The following SYN3 variants were observed in gnomAD, a reference collection of about 807,000 sequenced individuals.
SYN3 encodes synapsin III.
In SYN3, 35 loss-of-function variants were observed where a neutral mutation model predicts 65.8. The observed-to-expected ratio is 0.53, with a 90% CI of 0.41 to 0.70. SYN3 has a LOEUF of 0.70. Ranked by LOEUF, SYN3 falls within the 30% of genes least tolerant of loss-of-function variation. SYN3 has a pLI of 0.00. For synonymous variants in SYN3, 270 were observed against 292.9 expected (o/e 0.92, Z 0.80); for missense variants, 680 against 749.0 (o/e 0.91, Z 1.08).
intron 6 of SYN3, among the ~76,000 whole-genome samples, chr22:32,725,235 T>C (rs1337472795): frequency 6.6e-6 from 1 of 152,110 alleles, no homozygotes; most frequent in African/African-American, 2.4e-5. Context: ...TTTTTTTTGC[T>C]ACTTTGGAGG....
chr22:33,041,463 AT>A (rs373366907), intron 1 of SYN3, among the ~76,000 whole-genome samples: 4 of 148,954 alleles, frequency 2.7e-5, no homozygotes, highest in African/African-American at 9.9e-5. Context: ...CCCAGCTAAT[AT>A]TTTTTTGGAT....
At position 32,859,168 on chromosome 22, in the gene SYN3, A is replaced by G. The variant is rs569856603; in HGVS notation, c.711+5747T>C. On this transcript the variant is annotated intron_variant, in intron 6 of 13. Transcript: ENST00000358763. ...CAGAGTCCATCAACTGCTGCCTGTT[A>G]TCTAATTGCAGATCAAGTCCTGCTA... 25 of 1,614,120 alleles carry G rather than the reference A, an allele frequency of 1.5e-5. No homozygotes were observed. In the Admixed American group the frequency reaches 2.0e-4, roughly 13 times the overall value.
intron 4 of SYN3, among the ~76,000 whole-genome samples, chr22:32,911,755 G>A (rs545050326): frequency 4.6e-5 from 7 of 152,214 alleles, no homozygotes; most frequent in South Asian, 2.1e-4. Flanking sequence ...CTGCTGCACC[G>A]TATTAAAAAG....
rs200802342 is a variant in SYN3 at position 32,834,325 on chromosome 22, T to TTA, written c.711+30589_711+30590insTA. Among the ~76,000 whole-genome samples, 202 of 143,280 alleles carry TTA rather than the reference T, an allele frequency of 1.4e-3. 1 individual carries two copies. The highest frequency in any genetic ancestry group is 7.0e-3 in the Middle Eastern group (2 of 284). 94.0% of individuals were successfully genotyped at this position (143,280 alleles called of 152,430 possible). On this transcript the variant is annotated intron_variant, in intron 6 of 13. Transcript: ENST00000358763. ...CCTCCACCACATCTGGCTAATTTAT[T>TTA]TTTTTTTTTGTATTTTTAGTAGAAA...
chr22:32,928,640 G>A (rs1034285647), intron 4 of SYN3, among the ~76,000 whole-genome samples: 9 of 151,994 alleles, frequency 5.9e-5, no homozygotes, highest in African/African-American at 1.9e-4. Flanking sequence ...TCACTATTGA[G>A]TCTTGGTGTG....
chr22:32,533,996 CA>C, intron 9 of SYN3, 101 bp from the exon 10 acceptor site: 1 of 700,960 alleles, frequency 1.4e-6, no homozygotes, highest in Non-Finnish European at 2.5e-6. Flanking sequence ...CAGGGAGGGA[CA>C]GTGACTCACA....
chr22:32,811,785 T>A (rs1162366795), intron 6 of SYN3, among the ~76,000 whole-genome samples: 14 of 152,304 alleles, frequency 9.2e-5, no homozygotes, highest in African/African-American at 3.4e-4. Flanking sequence ...TGGAATGGGA[T>A]TGGAACCCAT....
At chr22:32,522,995 C>T (rs960021153) in intron 12 of SYN3, among the ~76,000 whole-genome samples, 4 of 152,208 alleles carry the variant, frequency 2.6e-5, no homozygotes, top group Middle Eastern at 3.4e-3. Flanking sequence ...TGTGTTTTTT[C>T]TAAATTGGAG....
chr22:32,559,537 A>T (rs976722754), intron 7 of SYN3, among the ~76,000 whole-genome samples: 4 of 152,180 alleles, frequency 2.6e-5, no homozygotes, highest in African/African-American at 4.8e-5. Flanking sequence ...TAATGGATAG[A>T]AAAAACCTTG....
chr22:32,978,381 T>C (rs955244268), intron 3 of SYN3, among the ~76,000 whole-genome samples: 1 of 152,078 alleles, frequency 6.6e-6, no homozygotes, highest in African/African-American at 2.4e-5. Flanking sequence ...CACTCTTCAT[T>C]GAGAGAGAGA....
intron 7 of SYN3, among the ~76,000 whole-genome samples, chr22:32,587,375 C>T (rs535128122): frequency 3.0e-4 from 45 of 151,898 alleles, no homozygotes; most frequent in African/African-American, 7.7e-4. Context: ...GGGTCCCTCA[C>T]GGTTTAGCTG....
intron 6 of SYN3, among the ~76,000 whole-genome samples, chr22:32,622,412 C>T (rs942001656): frequency 2.0e-5 from 3 of 152,162 alleles, no homozygotes; most frequent in African/African-American, 7.2e-5. Context: ...GGATTTCCTT[C>T]TGCATCCTGC....
At chr22:32,795,614 G>T (rs977063888) in intron 6 of SYN3, among the ~76,000 whole-genome samples, 2 of 152,198 alleles carry the variant, frequency 1.3e-5, no homozygotes, top group African/African-American at 4.8e-5. Context: ...GACCATGGGG[G>T]TGCGTGGGGT....
Position 32,541,722 on chromosome 22 carries a change from G to A in SYN3, c.775-9C>T, listed in dbSNP as rs749119465. The stretch of plus-strand genomic sequence containing the variant: ...TGGTTTTCCACTTTGATCTGTGTGG[G>A]AGGATGAGGGGGATGAGTGCCACCC... On this transcript the variant is annotated splice_polypyrimidine_tract_variant and intron_variant, in intron 7 of 13. Coordinates refer to ENST00000358763, the MANE Select transcript of SYN3 (RefSeq NM_003490.4). 1 of 1,612,688 alleles carries A rather than the reference G, an allele frequency of 6.2e-7. No homozygotes were observed.
chr22:32,964,419 T>TAAAA (rs201659599), intron 3 of SYN3, among the ~76,000 whole-genome samples: 5 of 128,712 alleles, frequency 3.9e-5, no homozygotes, highest in Non-Finnish European at 6.8e-5. Context: ...TAAAGTATAA[T>TAAAA]AAAAAAAAAA....
chr22:32,553,354 GA>G (rs1255313176), intron 7 of SYN3, among the ~76,000 whole-genome samples: 1 of 151,906 alleles, frequency 6.6e-6, no homozygotes, highest in African/African-American at 2.4e-5. Flanking sequence ...TTAATTACTT[GA>G]AAAAATTATA....
chr22:32,520,880 C>G (rs560179080), intron 12 of SYN3, among the ~76,000 whole-genome samples: 1 of 152,318 alleles, frequency 6.6e-6, no homozygotes, highest in African/African-American at 2.4e-5. Flanking sequence ...CACTCCCCTT[C>G]TCTGGGCTTC....
At chr22:32,988,307 A>ATAATAAT (rs2052590821) in intron 2 of SYN3, among the ~76,000 whole-genome samples, 2 of 142,610 alleles carry the variant, frequency 1.4e-5, no homozygotes, top group South Asian at 4.5e-4. Context: ...CTCTGTCTCA[A>ATAATAAT]AATAATAATA....
intron 6 of SYN3, among the ~76,000 whole-genome samples, chr22:32,836,560 T>C (rs8142834): frequency 0.096 from 14,691 of 152,268 alleles, 780 homozygotes; most frequent in African/African-American, 0.15. Context: ...CCTCCGCACC[T>C]TCAGTGCTAT....
Sources: allele counts gnomAD v4.1 joint callset (sites outside exome capture counted in the v4.1 genomes callset), GRCh38; gene constraint gnomAD v4.1.1; transcripts MANE v1.5; gene names NCBI Gene and HGNC (gene_info 2026-07-23, HGNC 2026-07-21).